The following USP44 variants were observed in gnomAD, a reference collection of about 807,000 sequenced individuals.
USP44 encodes ubiquitin specific peptidase 44, also known as ubiquitin carboxyl-terminal hydrolase 44.
A neutral mutation model predicts 69.0 loss-of-function variants in USP44; 61 were observed. The ratio of observed to expected loss-of-function variants is 0.88; its 90% CI spans 0.72 to 1.09. The LOEUF (loss-of-function observed/expected upper bound fraction) is 1.09, where lower values mean the gene tolerates loss of function less well. Among genes scored for constraint, USP44 ranks in the 50% least tolerant of loss-of-function variants. The pLI is 0.00. For missense variants in USP44, 753 were observed against 849.9 expected, an observed-to-expected ratio of 0.89 and a Z score of 1.42; for synonymous variants, 297 against 295.4, an observed-to-expected ratio of 1.01 and a Z score of -0.06.
Position 95,532,916 on chromosome 12 carries a change from T to C in USP44, c.1341A>G (p.Pro447=). The C allele has an allele frequency of 6.2e-7, 1 of 1,614,072 alleles. No individual in the cohort carries two copies. The highest frequency in any genetic ancestry group is 8.5e-7 in the Non-Finnish European group (1 of 1,179,994). The part of the protein sequence containing the change: ...RELETTGTSL[P]ALIPTSQRKL... ...TCCTTTGAGAAGTGGGGATAAGAGC[T>C]GGTAAACTGGTACCAGTTGTCTCTA... The change falls in exon 2 of 6, where the codon CCA becomes CCG. Residue 447 remains proline (P), a synonymous_variant. Transcript: ENST00000258499.
At position 95,543,406 on chromosome 12, in the gene USP44, CAA is replaced by C. The variant is rs60127958; in HGVS notation, c.-71+7864_-71+7865del. On this transcript the variant is annotated intron_variant, in intron 1 of 5. Coordinates refer to ENST00000258499, the MANE Select transcript of USP44 (RefSeq NM_032147.5). Reference sequence around the variant, plus strand: ...TGGGAGACAGAGTAAGACTCTTTCTCAAAAAAAAAAAAAAAAAAAAAAGAAAA... The same window carrying C: ...TGGGAGACAGAGTAAGACTCTTTCTCAAAAAAAAAAAAAAAAAAAAGAAAA... Among the ~76,000 whole-genome samples, 9 of 43,176 alleles carry C rather than the reference CAA, an allele frequency of 2.1e-4. No homozygotes were observed. The South Asian group carries it at 4.2e-3, about 20-fold the overall frequency. 28.3% of individuals were successfully genotyped at this position (43,176 alleles called of 152,430 possible).
At position 95,550,567 on chromosome 12, in the gene USP44, T is replaced by G. The variant is rs1236751939; in HGVS notation, c.-71+705A>C. Reference sequence around the variant, plus strand: ...GATGAAATATTTAAAATTTAAGTATTTCTGGCATGCAATATGGTTTTTCCT... The same window carrying G: ...GATGAAATATTTAAAATTTAAGTATGTCTGGCATGCAATATGGTTTTTCCT... On this transcript the variant is annotated intron_variant, in intron 1 of 5. Transcript: ENST00000258499. 3.9e-5 allele frequency among the ~76,000 whole-genome samples: 6 copies of G among 152,220 alleles called. No homozygotes were observed. In the East Asian group the frequency reaches 1.2e-3, roughly 29 times the overall value.
At chr12:95,535,395 A>G (rs2077166968) in intron 1 of USP44, 2 of 152,224 alleles carry the variant, frequency 1.3e-5, no homozygotes, top group African/African-American at 4.8e-5. Flanking sequence ...GCTCTATAAC[A>G]TACTCTGAGG....
rs542157596 is a variant in USP44 at position 95,539,295 on chromosome 12, G to A, written c.-70-4969C>T. ...GGCTGGAGTGCAGTGGCGCGATCTA[G>A]GCTCACTGCAAGCTCCGCCTCCTGG... On this transcript the variant is annotated intron_variant, in intron 1 of 5. Transcript: ENST00000258499. Among the ~76,000 whole-genome samples the A allele has an allele frequency of 6.0e-5, 9 of 149,960 alleles. No individual in the cohort carries two copies. In the South Asian group the frequency reaches 1.7e-3, roughly 28 times the overall value.
At chr12:95,549,362 A>C (rs1206190878) in intron 1 of USP44, among the ~76,000 whole-genome samples, 1 of 152,216 alleles carries the variant, frequency 6.6e-6, no homozygotes, top group Admixed American at 6.5e-5. Context: ...GAACGGGCAC[A>C]GGAAGGGAAC....
At chr12:95,518,461 T>C (rs1425366863) in intron 5 of USP44, 108 bp from the exon 6 acceptor site, 4 of 1,098,778 alleles carry the variant, frequency 3.6e-6, no homozygotes, top group Non-Finnish European at 5.2e-6. Context: ...TTCTAGCCAA[T>C]TCATTTTTCT....
intron 1 of USP44, among the ~76,000 whole-genome samples, chr12:95,547,141 A>G (rs1317134208): frequency 1.3e-5 from 2 of 152,220 alleles, no homozygotes; most frequent in Non-Finnish European, 2.9e-5. Context: ...AAAAATTTTT[A>G]AGCTAAAAAA....
intron 1 of USP44, among the ~76,000 whole-genome samples, chr12:95,540,064 T>C (rs1384705748): frequency 6.6e-6 from 1 of 152,194 alleles, no homozygotes; most frequent in Non-Finnish European, 1.5e-5. Context: ...GTTGTATTTT[T>C]GTAGCTCTTC....
chr12:95,539,622 T>G (rs537928002), intron 1 of USP44, among the ~76,000 whole-genome samples: 1 of 152,344 alleles, frequency 6.6e-6, no homozygotes, highest in South Asian at 2.1e-4. Flanking sequence ...CATTCTTCAG[T>G]GCAAAAAGAC....
intron 1 of USP44, among the ~76,000 whole-genome samples, chr12:95,537,921 T>C (rs7316331): frequency 0.16 from 24,968 of 152,146 alleles, 2,366 homozygotes; most frequent in East Asian, 0.35. Context: ...TTTACTCCTT[T>C]CTCTACTCTG....
chr12:95,542,129 C>A (rs2077409646), intron 1 of USP44, among the ~76,000 whole-genome samples: 1 of 152,150 alleles, frequency 6.6e-6, no homozygotes, highest in Non-Finnish European at 1.5e-5. Flanking sequence ...GATCCTCCCA[C>A]CTTGGCCTTC....
chr12:95,534,343 C>A lies in USP44; in HGVS notation c.-70-17G>T. The A allele has an allele frequency of 1.6e-6, 2 of 1,242,478 alleles. No homozygotes were observed. Among genetic ancestry groups the A allele is most frequent in the South Asian group, 1.5e-5 (1 of 67,520 alleles). 77.0% of individuals were successfully genotyped at this position (1,242,478 alleles called of 1,614,324 possible). ...ATCTGAAAACTAAACAGAACAATGTCAAGTGTTAATAACAAGATGCTAATA... is the reference window on the plus strand; with the variant it reads ...ATCTGAAAACTAAACAGAACAATGTAAAGTGTTAATAACAAGATGCTAATA... On this transcript the variant is annotated splice_polypyrimidine_tract_variant and intron_variant, in intron 1 of 5. Transcript: ENST00000258499.
At chr12:95,539,228 T>G (rs951656910) in intron 1 of USP44, among the ~76,000 whole-genome samples, 10 of 151,086 alleles carry the variant, frequency 6.6e-5, no homozygotes, top group Admixed American at 2.7e-4. Flanking sequence ...TGGCTTTTTT[T>G]TTTGTTTTTT....
At chr12:95,526,520 C>A (rs952872524) in intron 3 of USP44, among the ~76,000 whole-genome samples, 1 of 151,852 alleles carries the variant, frequency 6.6e-6, no homozygotes, top group East Asian at 1.9e-4. Flanking sequence ...TGCAGTGAGC[C>A]GAGACTGTGC....
chr12:95,519,634 C>T (rs1475051118), intron 5 of USP44, among the ~76,000 whole-genome samples: 46 of 150,282 alleles, frequency 3.1e-4, no homozygotes, highest in African/African-American at 1.1e-3. Context: ...TTAGTAGAGA[C>T]GGGGTTTCAC....
rs2077084208 is a variant in USP44 at position 95,533,278 on chromosome 12, T to C, written c.979A>G (p.Thr327Ala). The C allele has an allele frequency of 1.2e-6, 2 of 1,614,046 alleles. No individual in the cohort carries two copies. The highest frequency in any genetic ancestry group is 1.3e-5 in the African/African-American group (1 of 74,938). The change falls in exon 2 of 6, where the codon ACA becomes GCA. Residue 327 changes from threonine (T) to alanine (A), a missense_variant. Physicochemically the swap from Thr to Ala is moderately conservative, Grantham distance 58 (BLOSUM62 0). Transcript: ENST00000258499. ...KTRSCKHPPV[T>A]DTVVYQMNEC... is the part of the protein sequence containing the mutation. ...TTCATTTGATATACTACTGTATCTG[T>C]GACTGGTGGATGCTTACAAGATCTT...
intron 3 of USP44, among the ~76,000 whole-genome samples, chr12:95,527,057 C>T (rs1015830075): frequency 2.6e-5 from 4 of 151,804 alleles, no homozygotes; most frequent in Non-Finnish European, 5.9e-5. Flanking sequence ...CTCACCCCTC[C>T]CACCCTCTCC....
chr12:95,533,721 G>A lies in USP44; in HGVS notation c.536C>T (p.Pro179Leu). ...TTTTACTACTATTTTTTCCTGAAAT[G>A]GTTCTTCTTGCTTTTTTCTTCCAAT... ...SPIGRKKQEE[P>L]FQEKIVVKRE... The change falls in exon 2 of 6, where the codon CCA becomes CTA. Residue 179 changes from proline to leucine, a missense_variant. By Grantham distance (98) the Pro-to-Leu change is moderately conservative (BLOSUM62 -3). Coordinates refer to ENST00000258499, the MANE Select transcript of USP44 (RefSeq NM_032147.5). 1 of 1,613,840 alleles carries A rather than the reference G, an allele frequency of 6.2e-7. No individual in the cohort carries two copies. The highest frequency in any genetic ancestry group is 8.5e-7 in the Non-Finnish European group (1 of 1,179,994).
intron 2 of USP44, among the ~76,000 whole-genome samples, chr12:95,531,157 C>CT (rs1449357406): frequency 6.6e-6 from 1 of 150,668 alleles, no homozygotes; most frequent in Non-Finnish European, 1.5e-5. Context: ...GAGTGAGACT[C>CT]TGTCTCAAAA....
Sources: gnomAD v4.1 joint callset for allele counts (sites outside exome capture counted in the v4.1 genomes callset) on GRCh38, gnomAD v4.1.1 for gene constraint, MANE v1.5 for transcripts, NCBI Gene and HGNC (gene_info 2026-07-23, HGNC 2026-07-21) for gene names.